ACTN4: variants seen among roughly 807,000 people sequenced by gnomAD.
ACTN4 encodes the protein actinin alpha 4, also known as alpha-actinin-4.
ACTN4 carries 18 observed loss-of-function variants against 114.2 expected under a neutral mutation model. That is an observed-to-expected ratio of 0.16 (90% CI 0.11 to 0.23). The LOEUF (loss-of-function observed/expected upper bound fraction) is 0.23, where lower values mean the gene tolerates loss of function less well. Ranked by LOEUF, ACTN4 falls within the 10% of genes least tolerant of loss-of-function variation. The pLI, the probability that ACTN4 is intolerant of heterozygous loss-of-function variation, is 1.00. For synonymous variants in ACTN4, 515 were observed against 506.3 expected, an observed-to-expected ratio of 1.02 and a Z score of -0.23; for missense variants, 722 against 1,262.9, an observed-to-expected ratio of 0.57 and a Z score of 6.49.
Position 38,708,147 on chromosome 19 carries a change from G to C in ACTN4, c.603G>C (p.Leu201=), listed in dbSNP as rs1218562487. 1.2e-6 allele frequency: 2 copies of C among 1,614,022 alleles called. No homozygotes were observed. The highest frequency in any genetic ancestry group is 2.2e-5 in the East Asian group (1 of 44,890). The change falls in exon 6 of 21, where the codon CTG becomes CTC. Residue 201 remains leucine (L), a synonymous_variant. Transcript: ENST00000252699. The part of the protein sequence containing the change: ...SWKDGLAFNA[L]IHRHRPELIE... The stretch of plus-strand genomic sequence containing the variant: ...AGGATGGTCTTGCCTTCAATGCCCT[G>C]ATCCACCGGCACAGACCAGAGCTGA...
At position 38,723,931 on chromosome 19, in the gene ACTN4, C is replaced by T; in HGVS notation, c.1552-6C>T. The T allele has an allele frequency of 6.2e-7, 1 of 1,613,166 alleles. No homozygotes were observed. Among genetic ancestry groups the T allele is most frequent in the East Asian group, 2.2e-5 (1 of 44,868 alleles). On this transcript the variant is annotated splice_polypyrimidine_tract_variant and splice_region_variant and intron_variant, in intron 13 of 20. Coordinates refer to ENST00000252699, the MANE Select transcript of ACTN4 (RefSeq NM_004924.6). ...TGTCCCTGCCCCCTTCCCTCCCACA[C>T]ACTAGAAAACAGAGAAGCAGCTGGA...
At position 38,721,581 on chromosome 19, in the gene ACTN4, A is replaced by G. The variant is rs747949933; in HGVS notation, c.1335A>G (p.Thr445=). 1.9e-6 allele frequency: 3 copies of G among 1,614,076 alleles called. No individual in the cohort carries two copies. The highest frequency in any genetic ancestry group is 2.5e-6 in the Non-Finnish European group (3 of 1,180,036). The stretch of plus-strand genomic sequence containing the variant: ...AGCACCGGGACTACGAGACGGCCAC[A>G]CTATCGGACATCAAAGCCCTCATTC... ...MLKHRDYETA[T]LSDIKALIRK... The change falls in exon 12 of 21, where the codon ACA becomes ACG. Residue 445 remains threonine, a synonymous_variant. Transcript: ENST00000252699.
chr19:38,694,450 A>G (rs1211084097), intron 1 of ACTN4, among the ~76,000 whole-genome samples: 1 of 151,824 alleles, frequency 6.6e-6, no homozygotes, highest in African/African-American at 2.4e-5. Flanking sequence ...AGTAGAGACG[A>G]GGTTTCACCA....
intron 6 of ACTN4, 90 bp downstream of exon 6, chr19:38,708,285 C>G (rs1968527112): frequency 5.7e-6 from 8 of 1,415,482 alleles, no homozygotes; most frequent in African/African-American, 1.4e-5. Flanking sequence ...CCTTCCATCG[C>G]CAGCCTCCAG....
In ACTN4 at chr19:38,706,030, T is replaced by A. The variant is rs202069899; in HGVS notation, c.485-14T>A. The A allele has an allele frequency of 3.6e-5, 58 of 1,613,750 alleles. No individual in the cohort carries two copies. The East Asian group carries it at 1.2e-3, about 32-fold the overall frequency. On this transcript the variant is annotated splice_polypyrimidine_tract_variant and intron_variant, in intron 4 of 20. Coordinates refer to ENST00000252699, the MANE Select transcript of ACTN4 (RefSeq NM_004924.6). ...TTTTTGAGCCAGTGCTCACTGTCTT[T>A]GTGTGTTTTGCAGAGACCTCGGCCA...
chr19:38,647,662 C>T lies in ACTN4; in HGVS notation c.-84C>T, dbSNP rs985860885. 2.7e-6 allele frequency: 4 copies of T among 1,464,974 alleles called. No homozygotes were observed. The highest frequency in any genetic ancestry group is 3.6e-6 in the Non-Finnish European group (4 of 1,105,276). 90.7% of individuals were successfully genotyped at this position (1,464,974 alleles called of 1,614,324 possible). On this transcript the variant is annotated 5_prime_UTR_variant, in exon 1 of 21. Transcript: ENST00000252699. ...GGAGGGCGGGCTGAAGCAGCTGAAGCGGCGGTAGCGGCGGCGGCTCGGGCA... is the reference window on the plus strand; with the variant it reads ...GGAGGGCGGGCTGAAGCAGCTGAAGTGGCGGTAGCGGCGGCGGCTCGGGCA...
intron 1 of ACTN4, among the ~76,000 whole-genome samples, chr19:38,699,472 G>A (rs987500771): frequency 1.3e-5 from 2 of 152,278 alleles, no homozygotes; most frequent in East Asian, 3.9e-4. Flanking sequence ...AGGAAGGATA[G>A]GGCTGGGTGT....
intron 19 of ACTN4, 59 bp downstream of exon 19, chr19:38,728,085 TTCTC>T: frequency 1.2e-5 from 18 of 1,514,854 alleles, no homozygotes; most frequent in South Asian, 3.6e-5. Context: ...CTCTCTCTCC[TTCTC>T]TCTTTCTCCC....
chr19:38,727,365 G>A lies in ACTN4; in HGVS notation c.2337+262G>A, dbSNP rs1969271613. Among the ~76,000 whole-genome samples the A allele has an allele frequency of 6.6e-6, 1 of 152,086 alleles. No homozygotes were observed. Among genetic ancestry groups the A allele is most frequent in the African/African-American group, 2.4e-5 (1 of 41,400 alleles). ...GGGTGGCATCCTCACCACCCCCAGG[G>A]CAGATGAAGTCTCAGCACACCCAGG... On this transcript the variant is annotated intron_variant, in intron 18 of 20. Transcript: ENST00000252699. This position sits in a 1 kb window ranked among gnomAD's most constrained non-coding sequence, Gnocchi z 5.4.
intron 8 of ACTN4, chr19:38,711,283 G>T: frequency 9.7e-7 from 1 of 1,026,764 alleles, no homozygotes. Context: ...CAGATATTGT[G>T]GGCACTCTGA....
chr19:38,715,499 A>AAAAAT (rs1238210411), intron 9 of ACTN4, among the ~76,000 whole-genome samples: 23 of 152,334 alleles, frequency 1.5e-4, no homozygotes, highest in African/African-American at 5.3e-4. Flanking sequence ...CCATTAAAAT[A>AAAAAT]AAAATAAAAT....
At chr19:38,675,184 A>G (rs1967334701) in intron 1 of ACTN4, among the ~76,000 whole-genome samples, 1 of 152,240 alleles carries the variant, frequency 6.6e-6, no homozygotes, top group Admixed American at 6.5e-5. Context: ...CAAACTAGAT[A>G]TTTTTGAAAT....
At chr19:38,701,385 T>G (rs577733904) in intron 3 of ACTN4, among the ~76,000 whole-genome samples, 1 of 152,258 alleles carries the variant, frequency 6.6e-6, no homozygotes, top group South Asian at 2.1e-4. Flanking sequence ...GGGCGACGGC[T>G]TCTGCAGGGG....
intron 1 of ACTN4, among the ~76,000 whole-genome samples, chr19:38,676,043 C>G (rs1425585361): frequency 6.6e-6 from 1 of 152,224 alleles, no homozygotes; most frequent in Non-Finnish European, 1.5e-5. Flanking sequence ...AATAATCTGA[C>G]TACCACAGGG....
intron 8 of ACTN4, among the ~76,000 whole-genome samples, chr19:38,713,615 T>C (rs867960451): frequency 8.5e-5 from 13 of 152,320 alleles, no homozygotes; most frequent in Middle Eastern, 3.4e-3. Flanking sequence ...CCAGGTGCCA[T>C]GTGTGGAGGG....
rs1203444074 is a variant in ACTN4 at position 38,731,102 on chromosome 19, C to T, written c.*1670C>T. On this transcript the variant is annotated 3_prime_UTR_variant, in exon 21 of 21. Transcript: ENST00000252699. ...CATGCCCCACCATGCCGGGGTGGTACTCACAGAAGATGCAGGTGAGGTGGG... is the reference window on the plus strand; with the variant it reads ...CATGCCCCACCATGCCGGGGTGGTATTCACAGAAGATGCAGGTGAGGTGGG... 4 of 1,609,156 alleles carry T rather than the reference C, an allele frequency of 2.5e-6. No individual in the cohort carries two copies. Among genetic ancestry groups the T allele is most frequent in the South Asian group, 2.2e-5 (2 of 90,378 alleles).
Position 38,727,970 on chromosome 19 carries a change from G to A in ACTN4, c.2362G>A (p.Glu788Lys). ...GGATCATGGCGGGGCGCTGGGGCCC[G>A]AGGAGTTCAAGGCCTGCCTCATCAG... ...DKDHGGALGP[E>K]EFKACLISLG... The change falls in exon 19 of 21, where the codon GAG (glutamate) becomes AAG (lysine). Residue 788 changes from glutamate (E) to lysine (K), a missense_variant. Glu to Lys is a moderately conservative substitution (Grantham distance 56). This residue lies in a region of ACTN4 where 523 missense variants were observed against 875.9 expected (regional missense o/e 0.60). Coordinates refer to ENST00000252699, the MANE Select transcript of ACTN4 (RefSeq NM_004924.6). This position sits in a 1 kb window ranked among gnomAD's most constrained non-coding sequence, Gnocchi z 5.4. 6.2e-7 allele frequency: 1 copy of A among 1,612,606 alleles called. No homozygotes were observed. The highest frequency in any genetic ancestry group is 8.5e-7 in the Non-Finnish European group (1 of 1,179,820).
chr19:38,673,761 A>G (rs1329834577), intron 1 of ACTN4, among the ~76,000 whole-genome samples: 1 of 119,470 alleles, frequency 8.4e-6, no homozygotes, highest in Non-Finnish European at 1.6e-5. Flanking sequence ...ATATTTTTAT[A>G]TATATATATT....
At chr19:38,676,341 C>T (rs1967373713) in intron 1 of ACTN4, among the ~76,000 whole-genome samples, 1 of 152,218 alleles carries the variant, frequency 6.6e-6, no homozygotes, top group Non-Finnish European at 1.5e-5. Context: ...GCAGCAATCT[C>T]TTACTCATCC....
Sources: allele counts gnomAD v4.1 joint callset (sites outside exome capture counted in the v4.1 genomes callset), GRCh38; gene constraint gnomAD v4.1.1; regional missense constraint gnomAD v4.1.1; non-coding constraint Gnocchi (gnomAD v3.1); transcripts MANE v1.5; gene names NCBI Gene and HGNC (gene_info 2026-07-23, HGNC 2026-07-21).